Variants in SP2 observed in about 807,000 individuals in gnomAD.
SP2 encodes the protein transcription factor Sp2.
In SP2, 9 loss-of-function variants were observed where a neutral mutation model predicts 50.1. The ratio of observed to expected loss-of-function variants is 0.18; its 90% confidence interval spans 0.11 to 0.31. The LOEUF (loss-of-function observed/expected upper bound fraction) is 0.31, where lower values mean the gene tolerates loss of function less well. Among genes scored for constraint, SP2 ranks in the 10% least tolerant of loss-of-function variants. The probability of loss-of-function intolerance (pLI) is 1.00; values close to 1 mark genes in which losing one functional copy is unlikely to be tolerated. For synonymous variants in SP2, 313 were observed against 326.6 expected (o/e 0.96, Z 0.45); for missense variants, 581 against 806.5 (o/e 0.72, Z 3.39).
chr17:47,925,147 C>T (rs550850218), intron 5 of SP2, 54 bp downstream of exon 5: 1 of 1,540,758 alleles, frequency 6.5e-7, no homozygotes, highest in Non-Finnish European at 8.8e-7. Flanking sequence ...CCCCAAGCCC[C>T]TCCTGGACAG....
At chr17:47,918,114 GTT>G (rs371216794) in intron 3 of SP2, among the ~76,000 whole-genome samples, 3 of 144,630 alleles carry the variant, frequency 2.1e-5, no homozygotes, top group African/African-American at 7.6e-5. Flanking sequence ...AAATTGAGGA[GTT>G]TTTTTTTTTT....
In SP2 at chr17:47,923,039, C is replaced by T. The variant is rs765504235; in HGVS notation, c.1137C>T (p.Thr379=). 5 of 1,614,186 alleles carry T rather than the reference C, an allele frequency of 3.1e-6. No individual in the cohort carries two copies. Among genetic ancestry groups the T allele is most frequent in the Non-Finnish European group, 3.4e-6 (4 of 1,180,024 alleles). Residue 379 remains threonine, a synonymous_variant, in exon 4 of 7, where the codon ACC becomes ACT. Transcript: ENST00000376741. ...QDSPPATAAA[T]SNTTCSSPAS... ...GCCCCCCAGCAACAGCTGCAGCCAC[C>T]TCTAACACCACCTGTAGCAGCCCTG...
rs763365141 is a variant in SP2 at position 47,916,500 on chromosome 17, C to G, written c.429C>G (p.Ser143=). The G allele has an allele frequency of 1.2e-6, 2 of 1,613,936 alleles. No homozygotes were observed. Among genetic ancestry groups the G allele is most frequent in the Non-Finnish European group, 1.7e-6 (2 of 1,180,014 alleles). The change falls in exon 3 of 7, where the codon TCC becomes TCG. Residue 143 remains serine (S), a synonymous_variant. Coordinates refer to ENST00000376741, the MANE Select transcript of SP2 (RefSeq NM_003110.6). The surrounding 1 kb of genome is among the most constrained non-coding windows in gnomAD (Gnocchi z 4.7). ...QAVPQIQASN[S]QTIQVQPNLT... is the part of the protein sequence containing the mutation. ...TCCCTCAGATTCAGGCAAGCAATTC[C>G]CAAACCATCCAAGTACAGCCCAATC...
chr17:47,920,675 C>T (rs559548712), intron 3 of SP2, among the ~76,000 whole-genome samples: 4 of 152,302 alleles, frequency 2.6e-5, no homozygotes, highest in Non-Finnish European at 5.9e-5. Context: ...CCCGCCTCGG[C>T]CTCCCAAAGT....
At chr17:47,927,340 C>T (rs2035688768) in intron 6 of SP2, among the ~76,000 whole-genome samples, 2 of 151,914 alleles carry the variant, frequency 1.3e-5, no homozygotes, top group African/African-American at 4.8e-5. Flanking sequence ...TCGAGACCAG[C>T]CTGGACAACA....
chr17:47,920,532 C>T (rs1034200910), intron 3 of SP2, among the ~76,000 whole-genome samples: 11 of 151,782 alleles, frequency 7.2e-5, no homozygotes, highest in South Asian at 2.1e-4. Context: ...GTGATCCGCC[C>T]GCCTCAGCCT....
chr17:47,907,827 A>T (rs1424624697), intron 1 of SP2, among the ~76,000 whole-genome samples: 1 of 152,240 alleles, frequency 6.6e-6, no homozygotes, highest in African/African-American at 2.4e-5. Context: ...TATTTTAAAT[A>T]TAAAGTTCCA....
intron 6 of SP2, 152 bp from the exon 7 acceptor site, chr17:47,927,572 C>A: frequency 3.8e-6 from 2 of 530,248 alleles, no homozygotes; most frequent in Non-Finnish European, 6.8e-6. Context: ...GAGTAAGCAC[C>A]AGTGAGCAAA....
chr17:47,909,317 A>G (rs2034890014), intron 1 of SP2, among the ~76,000 whole-genome samples: 1 of 152,222 alleles, frequency 6.6e-6, no homozygotes, highest in South Asian at 2.1e-4. Flanking sequence ...GCTGGCCCCC[A>G]TTCAGCTTAA....
At chr17:47,917,850 G>A in intron 3 of SP2, 1 of 390,616 alleles carries the variant, frequency 2.6e-6, no homozygotes, top group South Asian at 1.8e-5. Context: ...TTATTAATGT[G>A]CTCTAATACT....
At chr17:47,899,154 A>T (rs2034446470) in intron 1 of SP2, 1 of 152,190 alleles carries the variant, frequency 6.6e-6, no homozygotes, top group Admixed American at 6.5e-5. Flanking sequence ...TCCCTTGTAG[A>T]GCCAACACTT....
At chr17:47,897,843 T>C in intron 1 of SP2, 1 of 985,134 alleles carries the variant, frequency 1.0e-6, no homozygotes, top group Non-Finnish European at 1.2e-6. Flanking sequence ...AACCTATCAA[T>C]TGGGCTGATG....
rs962399512 is a variant in SP2, at chr17:47,924,992, C to T, written c.1446C>T (p.Ile482=). ...LTISGLSPTQ[I]QLQMEQALAG... ...TCAGTGGGCTGAGCCCCACCCAGAT[C>T]CAGCTGCAAATGGAACAAGCCCTGG... Residue 482 remains isoleucine (I), a synonymous_variant, in exon 5 of 7, where the codon ATC becomes ATT. Transcript: ENST00000376741. 6.2e-7 allele frequency: 1 copy of T among 1,614,162 alleles called. No individual in the cohort carries two copies. The highest frequency in any genetic ancestry group is 8.5e-7 in the Non-Finnish European group (1 of 1,179,998).
At chr17:47,922,573 A>C (rs907343882) in intron 3 of SP2, among the ~76,000 whole-genome samples, 13 of 150,642 alleles carry the variant, frequency 8.6e-5, no homozygotes, top group Non-Finnish European at 1.8e-4. Flanking sequence ...GGCTAAGTGC[A>C]GTAGAGGAAT....
chr17:47,898,008 A>G, intron 1 of SP2: 1 of 351,214 alleles, frequency 2.8e-6, no homozygotes, highest in Non-Finnish European at 4.0e-6. Context: ...CAAGAAAAAA[A>G]GCGAGTCTGA....
chr17:47,915,558 G>A (rs2035164806), intron 2 of SP2, among the ~76,000 whole-genome samples, 170 bp downstream of exon 2: 1 of 152,196 alleles, frequency 6.6e-6, no homozygotes, highest in African/African-American at 2.4e-5. Context: ...TACCTAAGGT[G>A]CCGCAGTTGG....
At chr17:47,911,760 G>A (rs1357705525) in intron 1 of SP2, among the ~76,000 whole-genome samples, 6 of 150,948 alleles carry the variant, frequency 4.0e-5, no homozygotes, top group Non-Finnish European at 5.9e-5. Flanking sequence ...AGCAGAGATC[G>A]TGTCACCGCA....
chr17:47,911,520 A>G, intron 1 of SP2, among the ~76,000 whole-genome samples: 1 of 150,326 alleles, frequency 6.7e-6, no homozygotes, highest in East Asian at 2.0e-4. Flanking sequence ...AAAAAAAAAA[A>G]AAGATTGGCC....
At chr17:47,907,881 T>C (rs973897257) in intron 1 of SP2, among the ~76,000 whole-genome samples, 1 of 152,236 alleles carries the variant, frequency 6.6e-6, no homozygotes, top group Non-Finnish European at 1.5e-5. Flanking sequence ...GTCTTACAGT[T>C]AGGTATCTAT....
Sources: gnomAD v4.1 joint callset for allele counts (sites outside exome capture counted in the v4.1 genomes callset) on GRCh38, gnomAD v4.1.1 for gene constraint, Gnocchi (gnomAD v3.1) non-coding constraint, MANE v1.5 for transcripts, NCBI Gene and HGNC (gene_info 2026-07-23, HGNC 2026-07-21) for gene names.